The following ENTREP2 variants were observed in gnomAD, a reference collection of about 807,000 sequenced individuals.
ENTREP2 encodes endosomal transmembrane epsin interactor 2.
At chr15:29,478,019 A>ATATATATATATATATTT in the ENTREP2 span, among the ~76,000 whole-genome samples, 1 of 54,286 alleles carries the variant, frequency 1.8e-5, no homozygotes, top group African/African-American at 9.0e-5. Flanking sequence ...ATATATATAT[A>ATATATATATATATATTT]TTTTTTTTTT....
the ENTREP2 span, among the ~76,000 whole-genome samples, chr15:29,146,175 G>C: frequency 6.6e-6 from 1 of 152,144 alleles, no homozygotes; most frequent in East Asian, 1.9e-4. Context: ...ATGAATGGAA[G>C]GGTACCTCAT....
At chr15:29,329,699 G>A in the ENTREP2 span, among the ~76,000 whole-genome samples, 2 of 152,168 alleles carry the variant, frequency 1.3e-5, no homozygotes, top group African/African-American at 4.8e-5. Context: ...GTGCCAGAAA[G>A]TAAGAACGTG....
chr15:29,208,748 C>A, the ENTREP2 span, among the ~76,000 whole-genome samples: 1 of 152,178 alleles, frequency 6.6e-6, no homozygotes, highest in Non-Finnish European at 1.5e-5. Context: ...GGATGTTCAT[C>A]CAAAGCAATA....
chr15:29,634,616 G>C, the ENTREP2 span, among the ~76,000 whole-genome samples: 1 of 152,274 alleles, frequency 6.6e-6, no homozygotes, highest in East Asian at 1.9e-4. Flanking sequence ...TGTCTACCTG[G>C]AGAGAGTATC....
the ENTREP2 span, among the ~76,000 whole-genome samples, chr15:29,538,638 C>CAAA: frequency 6.3e-5 from 5 of 78,992 alleles, no homozygotes; most frequent in Non-Finnish European, 7.4e-5. Context: ...ACTAAAAATA[C>CAAA]AAAAAAAAAA....
At chr15:29,540,549 G>A in the ENTREP2 span, among the ~76,000 whole-genome samples, 1 of 152,176 alleles carries the variant, frequency 6.6e-6, no homozygotes, top group African/African-American at 2.4e-5. Context: ...ACATAAACAC[G>A]CCGAGACAGG....
the ENTREP2 span, among the ~76,000 whole-genome samples, chr15:29,415,365 G>A: frequency 6.6e-4 from 100 of 152,228 alleles, no homozygotes; most frequent in Admixed American, 2.0e-3. Context: ...ATCAATAAAC[G>A]TAATCCAGCA....
the ENTREP2 span, among the ~76,000 whole-genome samples, chr15:29,636,591 A>G: frequency 2.0e-4 from 30 of 152,292 alleles, no homozygotes; most frequent in African/African-American, 6.5e-4. Flanking sequence ...CACATCCAGG[A>G]CTTTAGAGAA....
At chr15:29,325,902 G>A in the ENTREP2 span, among the ~76,000 whole-genome samples, 1 of 152,070 alleles carries the variant, frequency 6.6e-6, no homozygotes, top group Non-Finnish European at 1.5e-5. Context: ...AACCCAATGG[G>A]ATTTATTATA....
chr15:29,154,472 T>A, the ENTREP2 span, among the ~76,000 whole-genome samples: 19,180 of 151,784 alleles, frequency 0.13, 2,040 homozygotes, highest in African/African-American at 0.29. Context: ...AAAAAAAAGA[T>A]TTAGAATGAT....
the ENTREP2 span, among the ~76,000 whole-genome samples, chr15:29,130,515 A>C: frequency 6.6e-6 from 1 of 152,192 alleles, no homozygotes; most frequent in Non-Finnish European, 1.5e-5. Context: ...TGGTTAACTT[A>C]GAACTCCGCT....
chr15:29,597,753 G>C, the ENTREP2 span, among the ~76,000 whole-genome samples: 1 of 150,432 alleles, frequency 6.6e-6, no homozygotes, highest in Non-Finnish European at 1.5e-5. Context: ...TGGCATGCTG[G>C]TTTATGTAGG....
At chr15:29,297,618 T>G in the ENTREP2 span, among the ~76,000 whole-genome samples, 1 of 152,184 alleles carries the variant, frequency 6.6e-6, no homozygotes, top group African/African-American at 2.4e-5. Flanking sequence ...ACACCAGACT[T>G]TGGCATGCCT....
the ENTREP2 span, among the ~76,000 whole-genome samples, chr15:29,572,381 G>C: frequency 6.6e-6 from 1 of 152,138 alleles, no homozygotes; most frequent in African/African-American, 2.4e-5. Flanking sequence ...CTAGAAGTTC[G>C]CAGTGCAGCA....
the ENTREP2 span, among the ~76,000 whole-genome samples, chr15:29,588,532 GGAAGAGAA>G: frequency 1.2e-3 from 82 of 68,346 alleles, no homozygotes; most frequent in African/African-American, 5.2e-3. Flanking sequence ...AAGGAAGGAA[GGAAGAGAA>G]AGAAAGAGAG....
At chr15:29,654,069 T>C in the ENTREP2 span, among the ~76,000 whole-genome samples, 1 of 152,184 alleles carries the variant, frequency 6.6e-6, no homozygotes, top group African/African-American at 2.4e-5. Flanking sequence ...TTATCTTAAA[T>C]AATTTATAAT....
At chr15:29,138,325 T>G in the ENTREP2 span, among the ~76,000 whole-genome samples, 2 of 152,172 alleles carry the variant, frequency 1.3e-5, no homozygotes, top group Admixed American at 1.3e-4. Flanking sequence ...AACAACCAAC[T>G]GCTTTTCTTT....
chr15:29,301,777 C>T, the ENTREP2 span, among the ~76,000 whole-genome samples: 105 of 152,260 alleles, frequency 6.9e-4, 1 homozygote, highest in East Asian at 0.017. Context: ...GAGGGCGTAA[C>T]CTTAATGAAT....
At chr15:29,359,925 T>C in the ENTREP2 span, among the ~76,000 whole-genome samples, 2 of 152,194 alleles carry the variant, frequency 1.3e-5, no homozygotes, top group Non-Finnish European at 2.9e-5. Flanking sequence ...TATCATAAAA[T>C]TATTCAGGAA....
Sources: allele counts gnomAD v4.1 joint callset (sites outside exome capture counted in the v4.1 genomes callset), GRCh38; gene constraint gnomAD v4.1.1; transcripts MANE v1.5; gene names NCBI Gene and HGNC (gene_info 2026-07-23, HGNC 2026-07-21).